NKAIN3: variants seen among roughly 807,000 people sequenced by gnomAD.
The protein encoded by NKAIN3 is sodium/potassium-transporting ATPase subunit beta-1-interacting protein 3.
NKAIN3 carries 25 observed loss-of-function variants against 30.2 expected under a neutral mutation model. That is an observed-to-expected ratio of 0.83 (90% confidence interval 0.60 to 1.16). The LOEUF is 1.16. Ranked by LOEUF, NKAIN3 falls within the 50% of genes most tolerant of loss-of-function variation. The pLI is 0.00. For synonymous variants in NKAIN3, 91 were observed against 89.6 expected, an observed-to-expected ratio of 1.02 and a Z score of -0.09; for missense variants, 225 against 254.1, an observed-to-expected ratio of 0.89 and a Z score of 0.78.
intron 4 of NKAIN3, among the ~76,000 whole-genome samples, chr8:62,757,036 GA>G (rs1368303347): frequency 6.6e-6 from 1 of 152,016 alleles, no homozygotes; most frequent in Non-Finnish European, 1.5e-5. Context: ...TCAGAGAAAT[GA>G]AAAACTTAAT....
At chr8:62,471,985 G>A (rs901592712) in intron 1 of NKAIN3, among the ~76,000 whole-genome samples, 3 of 147,860 alleles carry the variant, frequency 2.0e-5, no homozygotes, top group Non-Finnish European at 3.0e-5. Context: ...CAAACAAACA[G>A]CCTGCGCCCA....
chr8:62,926,498 AG>A (rs1822448686), intron 5 of NKAIN3, among the ~76,000 whole-genome samples: 1 of 151,942 alleles, frequency 6.6e-6, no homozygotes, highest in Non-Finnish European at 1.5e-5. Flanking sequence ...AACCCGCTCC[AG>A]GGGCCTCCCA....
chr8:62,543,587 A>AC (rs1243195282), intron 1 of NKAIN3, among the ~76,000 whole-genome samples: 2 of 152,314 alleles, frequency 1.3e-5, no homozygotes, highest in Non-Finnish European at 2.9e-5. Context: ...ATTGTCTGTC[A>AC]CATTGGCCTA....
chr8:62,274,842 A>G (rs1444922746), intron 1 of NKAIN3, among the ~76,000 whole-genome samples: 2 of 149,250 alleles, frequency 1.3e-5, no homozygotes, highest in African/African-American at 2.5e-5. Context: ...GAGAACATGC[A>G]GTGTTTGGTT....
intron 4 of NKAIN3, among the ~76,000 whole-genome samples, chr8:62,757,112 C>A (rs546425694): frequency 6.6e-6 from 1 of 151,988 alleles, no homozygotes; most frequent in African/African-American, 2.4e-5. Context: ...AATAATTAAT[C>A]GAGCCAACAT....
chr8:62,646,631 A>C (rs1013448909), intron 3 of NKAIN3, among the ~76,000 whole-genome samples: 5 of 152,280 alleles, frequency 3.3e-5, no homozygotes, highest in African/African-American at 4.8e-5. Flanking sequence ...TTGCAAATCT[A>C]TTCCATTAAA....
intron 1 of NKAIN3, among the ~76,000 whole-genome samples, chr8:62,576,829 A>G (rs1287709165): frequency 6.6e-6 from 1 of 152,042 alleles, no homozygotes; most frequent in Non-Finnish European, 1.5e-5. Flanking sequence ...ACATTCATCC[A>G]TTTTCTGACT....
chr8:62,373,531 T>C (rs1816974012), intron 1 of NKAIN3, among the ~76,000 whole-genome samples: 1 of 152,222 alleles, frequency 6.6e-6, no homozygotes, highest in Non-Finnish European at 1.5e-5. Flanking sequence ...TTTGGAAATT[T>C]AGAACCCTTC....
chr8:62,547,653 C>G (rs991352947), intron 1 of NKAIN3, among the ~76,000 whole-genome samples: 1 of 152,168 alleles, frequency 6.6e-6, no homozygotes, highest in African/African-American at 2.4e-5. Context: ...TGCCCACCAG[C>G]TCAGTGATGG....
chr8:62,524,807 C>T (rs763606463), intron 1 of NKAIN3, among the ~76,000 whole-genome samples: 3 of 152,176 alleles, frequency 2.0e-5, no homozygotes, highest in African/African-American at 4.8e-5. Context: ...TTTGTACTCA[C>T]TACCGAGTAC....
At chr8:62,945,498 CA>C (rs1206398343) in intron 5 of NKAIN3, among the ~76,000 whole-genome samples, 3 of 152,088 alleles carry the variant, frequency 2.0e-5, no homozygotes, top group Non-Finnish European at 2.9e-5. Context: ...GATGATGCAC[CA>C]AGTTAAGGTT....
At chr8:62,571,734 C>G (rs1809946115) in intron 1 of NKAIN3, among the ~76,000 whole-genome samples, 1 of 152,186 alleles carries the variant, frequency 6.6e-6, no homozygotes, top group Admixed American at 6.5e-5. Flanking sequence ...CCCACAGGCT[C>G]AACCCCACAT....
chr8:62,729,600 A>G (rs755196945), intron 3 of NKAIN3, among the ~76,000 whole-genome samples: 2 of 152,080 alleles, frequency 1.3e-5, no homozygotes. Flanking sequence ...TAATAGACAT[A>G]TGATATATTA....
chr8:62,560,285 G>C (rs1809526282), intron 1 of NKAIN3, among the ~76,000 whole-genome samples: 1 of 151,844 alleles, frequency 6.6e-6, no homozygotes, highest in Non-Finnish European at 1.5e-5. Context: ...TCATCTTCTT[G>C]CATCTGTAGG....
chr8:62,880,930 C>T (rs1820957275), intron 4 of NKAIN3, among the ~76,000 whole-genome samples: 1 of 152,186 alleles, frequency 6.6e-6, no homozygotes, highest in Non-Finnish European at 1.5e-5. Flanking sequence ...CCACTCCCCA[C>T]ATATGCACAG....
chr8:62,467,458 G>A (rs987404321), intron 1 of NKAIN3, among the ~76,000 whole-genome samples: 1 of 152,078 alleles, frequency 6.6e-6, no homozygotes, highest in Non-Finnish European at 1.5e-5. Flanking sequence ...GCTCCTTTTT[G>A]ATCAGTGTAA....
chr8:62,359,056 C>T (rs1266711118), intron 1 of NKAIN3, among the ~76,000 whole-genome samples: 2 of 151,966 alleles, frequency 1.3e-5, no homozygotes, highest in Non-Finnish European at 2.9e-5. Context: ...TGGTGGCGGG[C>T]GCCTGTATTC....
chr8:62,673,543 G>A (rs903562891), intron 3 of NKAIN3, among the ~76,000 whole-genome samples: 3 of 152,116 alleles, frequency 2.0e-5, no homozygotes, highest in Admixed American at 6.5e-5. Context: ...CCATAGTGTC[G>A]GGGAGCTAGC....
intron 1 of NKAIN3, among the ~76,000 whole-genome samples, chr8:62,290,381 G>A (rs867228821): frequency 6.6e-6 from 1 of 152,088 alleles, no homozygotes; most frequent in South Asian, 2.1e-4. Flanking sequence ...CTGTGGGTTT[G>A]TCATAAATAG....
Sources: allele counts gnomAD v4.1 joint callset (sites outside exome capture counted in the v4.1 genomes callset), GRCh38; gene constraint gnomAD v4.1.1; transcripts MANE v1.5; gene names NCBI Gene and HGNC (gene_info 2026-07-23, HGNC 2026-07-21).